Variants in HUWE1 observed in about 807,000 individuals in gnomAD.
HUWE1 encodes the protein HECT, UBA and WWE domain containing E3 ubiquitin protein ligase 1, also known as E3 ubiquitin-protein ligase HUWE1.
In HUWE1, 18 loss-of-function variants were observed where a neutral mutation model predicts 299.4. The ratio of observed to expected loss-of-function variants is 0.06; its 90% confidence interval spans 0.04 to 0.09. The LOEUF is 0.09. Ranked by LOEUF, HUWE1 falls within the 10% of genes least tolerant of loss-of-function variation. The pLI is 1.00. For synonymous variants in HUWE1, 1,317 were observed against 1,286.1 expected, an observed-to-expected ratio of 1.02 and a Z score of -0.51; for missense variants, 1,832 against 3,462.3, an observed-to-expected ratio of 0.53 and a Z score of 11.82.
At chrX:53,645,703 ACT>A (rs1167663837) in intron 6 of HUWE1, among the ~76,000 whole-genome samples, 21 of 78,309 alleles carry the variant, frequency 2.7e-4, no homozygotes, top group African/African-American at 7.5e-4. Context: ...ACAGAGGGAG[ACT>A]CTGTCTCAAA....
chrX:53,616,106 TGGCCATGTTGCCCA>T (rs1171455669), intron 21 of HUWE1, among the ~76,000 whole-genome samples: 7 of 110,533 alleles, frequency 6.3e-5, no homozygotes, highest in Non-Finnish European at 1.1e-4. Context: ...AGATGGGGTT[TGGCCATGTTGCCCA>T]GGCTGGTCTC....
intron 3 of HUWE1, among the ~76,000 whole-genome samples, chrX:53,672,229 G>A (rs797038242): frequency 9.2e-6 from 1 of 109,162 alleles, no homozygotes; most frequent in Non-Finnish European, 1.9e-5. Flanking sequence ...CTCCCTAGGC[G>A]TGATAATGGT....
intron 28 of HUWE1, among the ~76,000 whole-genome samples, chrX:53,600,903 T>C (rs2064793741): frequency 9.0e-6 from 1 of 110,714 alleles, no homozygotes; most frequent in Admixed American, 9.6e-5. Flanking sequence ...CTAGAAAAAA[T>C]ATATCTGTTA....
chrX:53,535,184 C>T (rs2060977766), intron 81 of HUWE1, among the ~76,000 whole-genome samples, 200 bp downstream of exon 81: 1 of 111,957 alleles, frequency 8.9e-6, no homozygotes, highest in Non-Finnish European at 1.9e-5. Flanking sequence ...ATCCGCCCAC[C>T]TTGGCCTCCC....
chrX:53,556,621 A>C (rs781907477), intron 60 of HUWE1, among the ~76,000 whole-genome samples: 4 of 111,974 alleles, frequency 3.6e-5, no homozygotes, highest in African/African-American at 1.3e-4. Context: ...TAAGAAGATC[A>C]GAGGGAATAG....
chrX:53,603,571 C>T (rs2064996440), intron 26 of HUWE1, 70 bp from the exon 27 acceptor site: 1 of 1,020,791 alleles, frequency 9.8e-7, no homozygotes, highest in South Asian at 2.0e-5. Flanking sequence ...AAAAAATTGA[C>T]CTTCAACAGT....
chrX:53,534,761 C>A (rs2060927366), intron 81 of HUWE1, 64 bp from the exon 82 acceptor site: 5 of 1,003,371 alleles, frequency 5.0e-6, no homozygotes, highest in Non-Finnish European at 6.9e-6. Context: ...GTCAGAGATC[C>A]CCCATCTGGC....
At chrX:53,657,214 C>T (rs2068788612) in intron 3 of HUWE1, among the ~76,000 whole-genome samples, 1 of 112,091 alleles carries the variant, frequency 8.9e-6, no homozygotes, top group Admixed American at 9.4e-5. Flanking sequence ...ATTAAAATAT[C>T]TACAAAAAAA....
At chrX:53,579,592 G>C (rs1360493624) in intron 43 of HUWE1, among the ~76,000 whole-genome samples, 1 of 105,463 alleles carries the variant, frequency 9.5e-6, no homozygotes, top group Non-Finnish European at 2.0e-5. Flanking sequence ...TTTTCATTTT[G>C]TTCTGTACTA....
intron 3 of HUWE1, among the ~76,000 whole-genome samples, chrX:53,666,680 C>T (rs1013745173): frequency 6.3e-5 from 7 of 110,956 alleles, no homozygotes; most frequent in Admixed American, 5.8e-4. Context: ...CATAATATTT[C>T]CCTCAGCTCC....
chrX:53,630,945 T>C lies in HUWE1; in HGVS notation c.852A>G (p.Ile284Met), dbSNP rs1557022159. Residue 284 changes from isoleucine (I) to methionine (M), a missense_variant, in exon 12 of 84, where the codon ATA becomes ATG. Around this residue, in one of 15 missense-constraint regions of HUWE1, gnomAD observed 658 missense variants for 1,282.6 expected, o/e 0.51. Coordinates refer to ENST00000262854, the MANE Select transcript of HUWE1 (RefSeq NM_031407.7). ...GTATTCTTCTCTTACCTAATATAGA[T>C]ATTGCATGCAGTCTGGCCTGAACTG... ...LQAVQARLHA[I>M]SILVYSNALQ... 8.8e-7 allele frequency: 1 copy of C among 1,138,415 alleles called. No homozygotes were observed. The highest frequency in any genetic ancestry group is 1.2e-6 in the Non-Finnish European group (1 of 828,470). The allele number at this position is 1,138,415 out of a possible 1,213,427, so 93.8% of individuals were successfully genotyped here.
intron 19 of HUWE1, among the ~76,000 whole-genome samples, chrX:53,620,168 C>T (rs782481845): frequency 1.8e-5 from 2 of 111,279 alleles, no homozygotes; most frequent in South Asian, 3.8e-4. Context: ...CTGGTAACAC[C>T]GACTCTGACC....
rs1557020998 is a variant in HUWE1 at position 53,629,578 on chromosome X, A to C, written c.901T>G (p.Leu301Val). ...NALQESANSI[L>V]YNGLIEELVD... ...AACTCCTCTATCAAGCCATTATACAAGATACTGTTTGCTGATTCCTGCAAG... is the reference window on the plus strand; with the variant it reads ...AACTCCTCTATCAAGCCATTATACACGATACTGTTTGCTGATTCCTGCAAG... The change falls in exon 13 of 84, where the codon TTG (leucine) becomes GTG (valine). Residue 301 changes from leucine (L) to valine (V), a missense_variant. By Grantham distance (32) the Leu-to-Val change is conservative. Around this residue, in one of 15 missense-constraint regions of HUWE1, gnomAD observed 658 missense variants for 1,282.6 expected, o/e 0.51. Transcript: ENST00000262854. 8.3e-7 allele frequency: 1 copy of C among 1,202,351 alleles called. No homozygotes were observed. Among genetic ancestry groups the C allele is most frequent in the South Asian group, 1.8e-5 (1 of 56,740 alleles).
At chrX:53,540,845 T>C in intron 74 of HUWE1, among the ~76,000 whole-genome samples, 1 of 111,660 alleles carries the variant, frequency 9.0e-6, no homozygotes. Context: ...CCCATACACC[T>C]GGCCCTGCTT....
intron 32 of HUWE1, 143 bp from the exon 33 acceptor site, chrX:53,592,771 G>A: frequency 2.0e-6 from 1 of 506,567 alleles, no homozygotes; most frequent in South Asian, 2.7e-5. Context: ...GGTCTAAGGA[G>A]GCACAGAGAA....
chrX:53,563,093 G>A (rs1476659025), intron 52 of HUWE1, among the ~76,000 whole-genome samples, 164 bp from the exon 53 acceptor site: 1 of 112,056 alleles, frequency 8.9e-6, no homozygotes, highest in Non-Finnish European at 1.9e-5. Context: ...AGCTTGGCCA[G>A]TCACTTTACC....
intron 2 of HUWE1, among the ~76,000 whole-genome samples, chrX:53,685,284 T>C (rs1557055267): frequency 8.9e-6 from 1 of 112,214 alleles, no homozygotes; most frequent in East Asian, 2.7e-4. Context: ...ACTTGGTATA[T>C]TTATTGAAAT....
rs782149436 is a variant in HUWE1, at chrX:53,550,909, C to T, written c.9377G>A (p.Arg3126Gln). ...CTTGCCTCCCTCTGTACCCGGGCTT[C>T]GGAGAATAGCAGAGAGTGCGGAGGT... Reference protein sequence around the residue: ...SSTSALSAILRSPAFTSRLSG... With the variant: ...SSTSALSAILQSPAFTSRLSG... The change falls in exon 65 of 84, where the codon CGA becomes CAA. Residue 3126 changes from arginine (R) to glutamine (Q), a missense_variant. Arg to Gln is a conservative substitution (Grantham distance 43). This residue lies in a region of HUWE1 where 91 missense variants were observed against 281.2 expected (regional missense o/e 0.32). Coordinates refer to ENST00000262854, the MANE Select transcript of HUWE1 (RefSeq NM_031407.7). 8 of 1,210,054 alleles carry T rather than the reference C, an allele frequency of 6.6e-6. No individual in the cohort carries two copies. The highest frequency in any genetic ancestry group is 2.2e-5 in the Admixed American group (1 of 45,797).
Position 53,670,447 on chromosome X carries a change from T to C in HUWE1, c.-25+9602A>G, listed in dbSNP as rs191491096. The stretch of plus-strand genomic sequence containing the variant: ...GTTATTACTCCTACAACTGGGCCTA[T>C]AAAATAAGGAGTTTGATATGGATAA... On this transcript the variant is annotated intron_variant, in intron 3 of 83. Transcript: ENST00000262854. Among the ~76,000 whole-genome samples the C allele has an allele frequency of 3.6e-5, 4 of 111,695 alleles. No individual in the cohort carries two copies. The East Asian group carries it at 8.3e-4, about 23-fold the overall frequency.
Sources: allele counts gnomAD v4.1 joint callset (sites outside exome capture counted in the v4.1 genomes callset), GRCh38; gene constraint gnomAD v4.1.1; regional missense constraint gnomAD v4.1.1; transcripts MANE v1.5; gene names NCBI Gene and HGNC (gene_info 2026-07-23, HGNC 2026-07-21).